The following CLCN7 variants were observed in gnomAD, a reference collection of about 807,000 sequenced individuals.
The protein encoded by CLCN7 is H(+)/Cl(-) exchange transporter 7.
CLCN7 carries 60 observed loss-of-function variants against 102.1 expected under a neutral mutation model. The ratio of observed to expected loss-of-function variants is 0.59; its 90% CI spans 0.48 to 0.73. The LOEUF is 0.73. Ranked by LOEUF, CLCN7 falls within the 30% of genes least tolerant of loss-of-function variation. CLCN7 has a pLI of 0.00. For synonymous variants in CLCN7, 560 were observed against 490.5 expected, an observed-to-expected ratio of 1.14 and a Z score of -1.87; for missense variants, 962 against 1,125.7, an observed-to-expected ratio of 0.85 and a Z score of 2.08.
chr16:1,469,034 A>G (rs2039042735), intron 1 of CLCN7, among the ~76,000 whole-genome samples: 1 of 145,540 alleles, frequency 6.9e-6, no homozygotes, highest in African/African-American at 2.7e-5. Context: ...CTACTTAAAA[A>G]AAACGAAAAA....
Position 1,450,640 on chromosome 16 carries a change from G to A in CLCN7, c.1474C>T (p.Leu492=). Reference sequence around the variant, plus strand: ...AGGAAGAAGTAGACCAGCGTGAACAGGCCGAGGGTCAGGGGGTTGTAGGAG... The same window carrying A: ...AGGAAGAAGTAGACCAGCGTGAACAAGCCGAGGGTCAGGGGGTTGTAGGAG... The part of the protein sequence containing the change: ...PGSYNPLTLG[L]FTLVYFFLAC... The change falls in exon 17 of 25, where the codon CTG becomes TTG. Residue 492 remains leucine (L), a synonymous_variant. Transcript: ENST00000382745. 6.2e-7 allele frequency: 1 copy of A among 1,612,192 alleles called. No homozygotes were observed.
intron 2 of CLCN7, among the ~76,000 whole-genome samples, chr16:1,463,235 A>G (rs1454171166): frequency 2.0e-5 from 3 of 152,358 alleles, no homozygotes; most frequent in Non-Finnish European, 2.9e-5. Context: ...TAAAATTCTT[A>G]GGAAAAAACG....
chr16:1,471,782 G>A (rs2039081280), intron 1 of CLCN7: 1 of 152,296 alleles, frequency 6.6e-6, no homozygotes, highest in South Asian at 2.1e-4. Flanking sequence ...GGCCTAAGAG[G>A]TGGTGTCTTG....
At position 1,446,543 on chromosome 16, in the gene CLCN7, G is replaced by T. The variant is rs1350743316; in HGVS notation, c.*88C>A. ...GCCATTGCCACTGCTGGGGAGCATG[G>T]TTTGGGCCGAGAAACCAGTGACTCC... On this transcript the variant is annotated 3_prime_UTR_variant, in exon 25 of 25. Coordinates refer to ENST00000382745, the MANE Select transcript of CLCN7 (RefSeq NM_001287.6). 1 of 1,251,550 alleles carries T rather than the reference G, an allele frequency of 8.0e-7. No homozygotes were observed. Among genetic ancestry groups the T allele is most frequent in the Non-Finnish European group, 1.1e-6 (1 of 876,984 alleles). 77.5% of individuals were successfully genotyped at this position (1,251,550 alleles called of 1,614,324 possible).
At chr16:1,452,623 A>G in intron 15 of CLCN7, 132 bp downstream of exon 15, 1 of 954,426 alleles carries the variant, frequency 1.0e-6, no homozygotes, top group Non-Finnish European at 1.6e-6. Flanking sequence ...ACCCTCTTTG[A>G]GACACGCCAG....
rs528735755 is a variant in CLCN7, at chr16:1,446,415, G to T, written c.*216C>A. ...CGAGGAGAGTGGAGGCTGGGCCTGC[G>T]CAAGGAGGCGCCAAGGGGGGAGACC... is the stretch of plus-strand genomic sequence containing the variant. On this transcript the variant is annotated 3_prime_UTR_variant, in exon 25 of 25. Transcript: ENST00000382745. 7.1e-6 allele frequency: 5 copies of T among 702,722 alleles called. No homozygotes were observed. The highest frequency in any genetic ancestry group is 1.0e-5 in the Non-Finnish European group (4 of 385,144). 43.5% of individuals were successfully genotyped at this position (702,722 alleles called of 1,614,324 possible).
chr16:1,451,508 T>C, intron 16 of CLCN7, 115 bp downstream of exon 16: 1 of 802,640 alleles, frequency 1.2e-6, no homozygotes. Flanking sequence ...TGATCCATGC[T>C]AGGGATGACC....
At chr16:1,451,140 C>T (rs1240456474) in intron 16 of CLCN7, among the ~76,000 whole-genome samples, 5 of 152,232 alleles carry the variant, frequency 3.3e-5, no homozygotes, top group Admixed American at 6.5e-5. Context: ...TCGCGGTCTG[C>T]GCTTCCGTGA....
chr16:1,456,230 C>T lies in CLCN7; in HGVS notation c.823-24G>A, dbSNP rs374990599. ...ATCTGCAACAGGGACAGACCAGGGT[C>T]GGGGCAGGTTCCTTGAGGGCACGGC... On this transcript the variant is annotated intron_variant, in intron 9 of 24. Coordinates refer to ENST00000382745, the MANE Select transcript of CLCN7 (RefSeq NM_001287.6). 1.2e-5 allele frequency: 18 copies of T among 1,544,942 alleles called. No individual in the cohort carries two copies. The Admixed American group carries it at 1.9e-4, about 17-fold the overall frequency.
chr16:1,446,229 G>T lies in CLCN7; in HGVS notation c.*402C>A, dbSNP rs903021510. Reference sequence around the variant, plus strand: ...GTGGAGGCAGAGGGGCCCTTCCAGGGCAGGGCAGCCCTCGGGGCAGCAGCA... The same window carrying T: ...GTGGAGGCAGAGGGGCCCTTCCAGGTCAGGGCAGCCCTCGGGGCAGCAGCA... On this transcript the variant is annotated 3_prime_UTR_variant, in exon 25 of 25. Coordinates refer to ENST00000382745, the MANE Select transcript of CLCN7 (RefSeq NM_001287.6). 2 of 648,430 alleles carry T rather than the reference G, an allele frequency of 3.1e-6. No homozygotes were observed. Among genetic ancestry groups the T allele is most frequent in the Non-Finnish European group, 5.5e-6 (2 of 361,142 alleles). 40.2% of individuals were successfully genotyped at this position (648,430 alleles called of 1,614,324 possible). A position where few individuals can be genotyped will look rare whatever the true frequency, so the allele number is the denominator to read the frequency against.
At position 1,473,652 on chromosome 16, in the gene CLCN7, T is replaced by C. The variant is rs550755076; in HGVS notation, c.141+1182A>G. Among the ~76,000 whole-genome samples the C allele has an allele frequency of 6.2e-4, 94 of 151,896 alleles. 2 individuals carry two copies. In the Middle Eastern group the frequency reaches 0.027, roughly 44 times the overall value. ...CCTCCCAAAGTGCTGGGATTACAGATGTGAGCCACCGTGCCCTGCCGTCCT... is the reference window on the plus strand; with the variant it reads ...CCTCCCAAAGTGCTGGGATTACAGACGTGAGCCACCGTGCCCTGCCGTCCT... On this transcript the variant is annotated intron_variant, in intron 1 of 24. Transcript: ENST00000382745.
Position 1,449,108 on chromosome 16 carries a change from A to G in CLCN7, c.1670-15T>C. The G allele has an allele frequency of 5.0e-6, 8 of 1,612,740 alleles. No homozygotes were observed. The highest frequency in any genetic ancestry group is 2.2e-5 in the South Asian group (2 of 91,072). On this transcript the variant is annotated splice_polypyrimidine_tract_variant and intron_variant, in intron 18 of 24. Coordinates refer to ENST00000382745, the MANE Select transcript of CLCN7 (RefSeq NM_001287.6). The stretch of plus-strand genomic sequence containing the variant: ...CACAATCCCGCCTGCGGGAGCCATC[A>G]TGAACCCCAGCACGTCCACCCTCCT...
chr16:1,465,955 A>C (rs537199456), intron 1 of CLCN7, among the ~76,000 whole-genome samples: 1 of 152,314 alleles, frequency 6.6e-6, no homozygotes, highest in East Asian at 1.9e-4. Context: ...CTCCCACCCC[A>C]GTCTCCGGCT....
At position 1,448,350 on chromosome 16, in the gene CLCN7, G is replaced by A. The variant is rs1007333884; in HGVS notation, c.2013+5C>T. 1.2e-5 allele frequency: 20 copies of A among 1,612,528 alleles called. No individual in the cohort carries two copies. The highest frequency in any genetic ancestry group is 4.5e-5 in the East Asian group (2 of 44,894). ...GCAGGACCCTGTCTATGGGGTGCCC[G>A]GTACCTGGGTGTCATCGGCATGCTC... On this transcript the variant is annotated splice_donor_5th_base_variant and intron_variant, in intron 21 of 24. Coordinates refer to ENST00000382745, the MANE Select transcript of CLCN7 (RefSeq NM_001287.6).
At chr16:1,468,980 C>G (rs2142401794) in intron 1 of CLCN7, among the ~76,000 whole-genome samples, 1 of 149,636 alleles carries the variant, frequency 6.7e-6, no homozygotes, top group South Asian at 2.1e-4. Context: ...CACCCGAGGT[C>G]AGGAGTTCGA....
chr16:1,457,156 C>G lies in CLCN7; in HGVS notation c.822+98G>C. 8.6e-7 allele frequency: 1 copy of G among 1,169,430 alleles called. No homozygotes were observed. Among genetic ancestry groups the G allele is most frequent in the Non-Finnish European group, 1.3e-6 (1 of 781,414 alleles). 72.4% of individuals were successfully genotyped at this position (1,169,430 alleles called of 1,614,324 possible). ...GCTGTCCTCAGATGGGGCTGGGGCT[C>G]TCGGCCTGGGGGTGCTGAGGGAAGC... On this transcript the variant is annotated intron_variant, in intron 9 of 24. Coordinates refer to ENST00000382745, the MANE Select transcript of CLCN7 (RefSeq NM_001287.6). The surrounding 1 kb of genome is among the most constrained non-coding windows in gnomAD (Gnocchi z 5.4).
In CLCN7 at chr16:1,457,955, A is replaced by T. The variant is rs1039614596; in HGVS notation, c.676-199T>A. On this transcript the variant is annotated intron_variant, in intron 7 of 24. Coordinates refer to ENST00000382745, the MANE Select transcript of CLCN7 (RefSeq NM_001287.6). The surrounding 1 kb of genome is among the most constrained non-coding windows in gnomAD (Gnocchi z 5.4). ...CAGCAGCCAAGCGTCCCCCGCACTC[A>T]CTCGGGGGACCTGCCCTCTGTGGCC... Among the ~76,000 whole-genome samples, 1 of 152,028 alleles carries T rather than the reference A, an allele frequency of 6.6e-6. No homozygotes were observed. Among genetic ancestry groups the T allele is most frequent in the African/African-American group, 2.4e-5 (1 of 41,374 alleles).
Position 1,457,192 on chromosome 16 carries a change from G to T in CLCN7, c.822+62C>A, listed in dbSNP as rs545725471. 60 of 1,447,828 alleles carry T rather than the reference G, an allele frequency of 4.1e-5. No individual in the cohort carries two copies. The highest frequency in any genetic ancestry group is 5.6e-5 in the Non-Finnish European group (58 of 1,029,152). The allele number at this position is 1,447,828 out of a possible 1,614,324, so 89.7% of individuals were successfully genotyped here. ...GGTGCTGAGGGAAGCCCATCTCCCT[G>T]AGTGGTGCCCGTGCCCGTGCCCATG... On this transcript the variant is annotated intron_variant, in intron 9 of 24. Transcript: ENST00000382745. The surrounding 1 kb of genome is among the most constrained non-coding windows in gnomAD (Gnocchi z 5.4).
Position 1,446,337 on chromosome 16 carries a change from C to G in CLCN7, c.*294G>C, listed in dbSNP as rs760110558. Reference sequence around the variant, plus strand: ...GCTGGCTCCCAAGAGGCCGATAGCCCGGTAGGGAGGTCACACACACACAGC... The same window carrying G: ...GCTGGCTCCCAAGAGGCCGATAGCCGGGTAGGGAGGTCACACACACACAGC... On this transcript the variant is annotated 3_prime_UTR_variant, in exon 25 of 25. Transcript: ENST00000382745. The G allele has an allele frequency of 6.8e-5, 48 of 701,918 alleles. 1 individual carries two copies. Among genetic ancestry groups the G allele is most frequent in the East Asian group, 4.0e-4 (15 of 37,266 alleles). The allele number at this position is 701,918 out of a possible 1,614,324, so 43.5% of individuals were successfully genotyped here.
Sources: gnomAD v4.1 joint callset for allele counts (sites outside exome capture counted in the v4.1 genomes callset) on GRCh38, gnomAD v4.1.1 for gene constraint, Gnocchi (gnomAD v3.1) non-coding constraint, MANE v1.5 for transcripts, NCBI Gene and HGNC (gene_info 2026-07-23, HGNC 2026-07-21) for gene names.